The following ADAMTS12 variants were observed in gnomAD, a reference collection of about 807,000 sequenced individuals.
The protein encoded by ADAMTS12 is ADAM metallopeptidase with thrombospondin type 1 motif 12, also known as A disintegrin and metalloproteinase with thrombospondin motifs 12.
In ADAMTS12, 118 loss-of-function variants were observed where a neutral mutation model predicts 167.8. The ratio of observed to expected loss-of-function variants is 0.70; its 90% confidence interval spans 0.61 to 0.82. The LOEUF (loss-of-function observed/expected upper bound fraction) is 0.82. Among genes scored for constraint, ADAMTS12 ranks in the 40% least tolerant of loss-of-function variants. The pLI, the probability that ADAMTS12 is intolerant of heterozygous loss-of-function variation, is 0.00. For missense variants in ADAMTS12, 1,916 were observed against 1,998.8 expected (o/e 0.96, Z 0.79); for synonymous variants, 704 against 716.9 (o/e 0.98, Z 0.29).
chr5:33,594,623 G>C (rs1376075565), intron 17 of ADAMTS12, among the ~76,000 whole-genome samples: 4 of 152,076 alleles, frequency 2.6e-5, no homozygotes, highest in African/African-American at 9.7e-5. Flanking sequence ...ATCTTCCCTT[G>C]TCATTTCTAG....
chr5:33,659,419 C>A (rs544330028), intron 6 of ADAMTS12, among the ~76,000 whole-genome samples: 1 of 152,192 alleles, frequency 6.6e-6, no homozygotes, highest in Non-Finnish European at 1.5e-5. Context: ...TCTACCCCTG[C>A]TGCAGAATGC....
At chr5:33,561,300 T>G (rs1745740138) in intron 19 of ADAMTS12, 121 bp from the exon 20 acceptor site, 5 of 1,275,060 alleles carry the variant, frequency 3.9e-6, no homozygotes, top group Non-Finnish European at 5.3e-6. Flanking sequence ...CAGAGCTTTT[T>G]AAAAATTACC....
intron 2 of ADAMTS12, among the ~76,000 whole-genome samples, chr5:33,842,158 A>G (rs960433258): frequency 7.2e-5 from 11 of 152,180 alleles, no homozygotes; most frequent in African/African-American, 2.4e-4. Context: ...TTGTTAAGAC[A>G]TCTAAGTAGA....
In ADAMTS12 at chr5:33,588,787, C is replaced by G. The variant is rs138076156; in HGVS notation, c.2677G>C (p.Ala893Pro). 2.5e-6 allele frequency: 4 copies of G among 1,613,516 alleles called. No homozygotes were observed. Among genetic ancestry groups the G allele is most frequent in the African/African-American group, 1.3e-5 (1 of 74,930 alleles). The change falls in exon 18 of 24, where the codon GCA becomes CCA. Residue 893 changes from alanine to proline, a missense_variant. Coordinates refer to ENST00000504830, the MANE Select transcript of ADAMTS12 (RefSeq NM_030955.4). ...PPRWWAGEWE[A>P]CSATCGPHGE... ...TGGGGCCCGCATGTCGCCGAGCATG[C>G]TTCCCACTCCCCTGCCCACCACCTG...
chr5:33,766,624 T>A (rs1319239243), intron 2 of ADAMTS12, among the ~76,000 whole-genome samples: 1 of 152,188 alleles, frequency 6.6e-6, no homozygotes, highest in Non-Finnish European at 1.5e-5. Flanking sequence ...CTCTCCACAC[T>A]ATCTTTACAG....
intron 3 of ADAMTS12, among the ~76,000 whole-genome samples, chr5:33,747,583 G>A (rs1744835215): frequency 6.6e-6 from 1 of 152,124 alleles, no homozygotes; most frequent in Non-Finnish European, 1.5e-5. Flanking sequence ...TGTGTACTAG[G>A]AAATATGGAC....
At chr5:33,620,197 G>A (rs1040269697) in intron 14 of ADAMTS12, among the ~76,000 whole-genome samples, 4 of 152,228 alleles carry the variant, frequency 2.6e-5, no homozygotes, top group African/African-American at 4.8e-5. Flanking sequence ...TGAAGTAGCA[G>A]ACAGCTATAG....
chr5:33,646,540 C>A (rs1413005758), intron 9 of ADAMTS12, among the ~76,000 whole-genome samples: 1 of 152,138 alleles, frequency 6.6e-6, no homozygotes, highest in Non-Finnish European at 1.5e-5. Context: ...TAACCACACT[C>A]GCCCCCATGC....
At chr5:33,666,454 C>T (rs1012832272) in intron 5 of ADAMTS12, among the ~76,000 whole-genome samples, 4 of 152,242 alleles carry the variant, frequency 2.6e-5, no homozygotes, top group African/African-American at 9.6e-5. Flanking sequence ...CTCTCGATTC[C>T]CTAGCTTGTA....
rs554458716 is a variant in ADAMTS12, at chr5:33,715,713, G to A, written c.635-31658C>T. Among the ~76,000 whole-genome samples, 4 of 152,164 alleles carry A rather than the reference G, an allele frequency of 2.6e-5. 1 individual carries two copies. Among genetic ancestry groups the A allele is most frequent in the South Asian group, 2.1e-4 (1 of 4,822 alleles). On this transcript the variant is annotated intron_variant, in intron 3 of 23. Coordinates refer to ENST00000504830, the MANE Select transcript of ADAMTS12 (RefSeq NM_030955.4). ...TCTGTAAATGAATCCCACAAAGAACGCAAAACACAATGAAACCAGCCTTTT... is the reference window on the plus strand; with the variant it reads ...TCTGTAAATGAATCCCACAAAGAACACAAAACACAATGAAACCAGCCTTTT...
intron 21 of ADAMTS12, 103 bp from the exon 22 acceptor site, chr5:33,546,305 T>C (rs1294819577): frequency 1.8e-6 from 2 of 1,102,638 alleles, no homozygotes; most frequent in African/African-American, 1.6e-5. Context: ...ACAGTGTTAC[T>C]AGGAATATTG....
At chr5:33,841,761 G>A (rs1191020201) in intron 2 of ADAMTS12, among the ~76,000 whole-genome samples, 6 of 152,214 alleles carry the variant, frequency 3.9e-5, no homozygotes, top group Non-Finnish European at 1.5e-5. Context: ...TAGGGTTCCT[G>A]ACAACGCAAT....
At chr5:33,848,511 T>C (rs1727433780) in intron 2 of ADAMTS12, among the ~76,000 whole-genome samples, 1 of 152,236 alleles carries the variant, frequency 6.6e-6, no homozygotes, top group Non-Finnish European at 1.5e-5. Flanking sequence ...ATGATACACA[T>C]GTCTACATCA....
chr5:33,560,782 A>T (rs1315437195), intron 20 of ADAMTS12, among the ~76,000 whole-genome samples: 12 of 42,750 alleles, frequency 2.8e-4, no homozygotes, highest in Non-Finnish European at 4.5e-5. Flanking sequence ...GGGTGGGGGG[A>T]GGGGGGAGGG....
At chr5:33,649,830 G>A in intron 7 of ADAMTS12, 133 bp from the exon 8 acceptor site, 1 of 1,222,554 alleles carries the variant, frequency 8.2e-7, no homozygotes, top group Non-Finnish European at 1.1e-6. Flanking sequence ...TTTGCAAAGT[G>A]AGACTTTGAA....
At chr5:33,589,221 G>C (rs1747520946) in intron 17 of ADAMTS12, among the ~76,000 whole-genome samples, 1 of 152,176 alleles carries the variant, frequency 6.6e-6, no homozygotes, top group South Asian at 2.1e-4. Flanking sequence ...TTCATGTAAT[G>C]TGCATAGTAC....
At chr5:33,817,496 A>T (rs1035314490) in intron 2 of ADAMTS12, among the ~76,000 whole-genome samples, 2 of 152,134 alleles carry the variant, frequency 1.3e-5, no homozygotes, top group South Asian at 4.1e-4. Context: ...ATTATGGAAA[A>T]TACCAAACAT....
chr5:33,891,755 C>T lies in ADAMTS12; in HGVS notation c.102G>A (p.Pro34=), dbSNP rs762465767. The stretch of plus-strand genomic sequence containing the variant: ...CTTGCCTCCTGTCCGGGAAGCGAAC[C>T]GGGCCTGGCTGAGGCTGTCTCCCAT... ...LCYGRQPQPG[P]VRFPDRRQEH... Residue 34 remains proline, a synonymous_variant, in exon 1 of 24, where the codon CCG becomes CCA. Coordinates refer to ENST00000504830, the MANE Select transcript of ADAMTS12 (RefSeq NM_030955.4). The T allele has an allele frequency of 9.3e-6, 15 of 1,614,064 alleles. No homozygotes were observed. Among genetic ancestry groups the T allele is most frequent in the Middle Eastern group, 3.3e-4 (2 of 6,084 alleles).
chr5:33,832,366 C>T (rs1748333770), intron 2 of ADAMTS12, among the ~76,000 whole-genome samples: 1 of 151,990 alleles, frequency 6.6e-6, no homozygotes, highest in Non-Finnish European at 1.5e-5. Context: ...GCAATGAGAA[C>T]AACCCAATAA....
Sources: gnomAD v4.1 joint callset for allele counts (sites outside exome capture counted in the v4.1 genomes callset) on GRCh38, gnomAD v4.1.1 for gene constraint, MANE v1.5 for transcripts, NCBI Gene and HGNC (gene_info 2026-07-23, HGNC 2026-07-21) for gene names.